Variants in LRRC20 observed in about 807,000 individuals in gnomAD.
The protein encoded by LRRC20 is leucine-rich repeat-containing protein 20.
In LRRC20, 11 loss-of-function variants were observed where a neutral mutation model predicts 14.4. That is an observed-to-expected ratio of 0.77 (90% CI 0.48 to 1.27). LRRC20 has a LOEUF of 1.27. Among genes scored for constraint, LRRC20 ranks in the 50% most tolerant of loss-of-function variants. The probability of loss-of-function intolerance (pLI) is 0.00; values close to 1 mark genes in which losing one functional copy is unlikely to be tolerated. For missense variants in LRRC20, 219 were observed against 251.2 expected (o/e 0.87, Z 0.87); for synonymous variants, 121 against 107.3 (o/e 1.13, Z -0.79).
intron 2 of LRRC20, among the ~76,000 whole-genome samples, chr10:70,361,063 AAGAG>A (rs1194240488): frequency 4.6e-5 from 7 of 151,268 alleles, no homozygotes; most frequent in Non-Finnish European, 8.8e-5. Flanking sequence ...AAAAAAAAAA[AAGAG>A]AGAGAGAGAG....
chr10:70,371,499 C>G (rs1053117042), intron 2 of LRRC20, among the ~76,000 whole-genome samples: 1 of 152,054 alleles, frequency 6.6e-6, no homozygotes, highest in Non-Finnish European at 1.5e-5. Context: ...TCCCCATGCA[C>G]ACTGCAGAGC....
At chr10:70,318,186 C>T (rs1331472788) in intron 4 of LRRC20, among the ~76,000 whole-genome samples, 2 of 152,188 alleles carry the variant, frequency 1.3e-5, no homozygotes, top group African/African-American at 4.8e-5. Flanking sequence ...GGCAGAGCTT[C>T]TCAGGCTTCA....
At chr10:70,344,818 A>G (rs1299880877) in intron 2 of LRRC20, among the ~76,000 whole-genome samples, 1 of 152,132 alleles carries the variant, frequency 6.6e-6, no homozygotes, top group Non-Finnish European at 1.5e-5. Context: ...CTGCCCACCT[A>G]GGCCTCCCGA....
rs1235293950 is a variant in LRRC20 at position 70,376,512 on chromosome 10, C to A, written c.22G>T (p.Ala8Ser). 1.9e-6 allele frequency: 3 copies of A among 1,613,756 alleles called. No individual in the cohort carries two copies. Among genetic ancestry groups the A allele is most frequent in the African/African-American group, 2.7e-5 (2 of 74,934 alleles). The change falls in exon 2 of 5, where the codon GCC (alanine) becomes TCC (serine). Residue 8 changes from alanine (A) to serine (S), a missense_variant. Transcript: ENST00000446961. Reference sequence around the variant, plus strand: ...ACCTTCCTTGCTACTCTGGCCACGGCCTCACCCATCTTCTTCAGCATGCAG... The same window carrying A: ...ACCTTCCTTGCTACTCTGGCCACGGACTCACCCATCTTCTTCAGCATGCAG... The part of the protein sequence containing the change: MLKKMGE[A>S]VARVARKVNE...
intron 2 of LRRC20, among the ~76,000 whole-genome samples, chr10:70,342,388 C>T (rs563313348): frequency 1.4e-3 from 209 of 151,942 alleles, no homozygotes; most frequent in Non-Finnish European, 2.7e-3. Context: ...GAATTGTACA[C>T]TTTAAGTGGA....
intron 3 of LRRC20, among the ~76,000 whole-genome samples, chr10:70,336,061 C>T (rs868696120): frequency 3.9e-5 from 6 of 152,208 alleles, no homozygotes; most frequent in African/African-American, 9.7e-5. Flanking sequence ...TCCGGGGCCA[C>T]GTCCAGTTCT....
chr10:70,355,734 G>A (rs72809232), intron 2 of LRRC20, among the ~76,000 whole-genome samples: 11,197 of 152,256 alleles, frequency 0.074, 500 homozygotes, highest in Middle Eastern at 0.2. Flanking sequence ...AGTGACCCTT[G>A]GGGTATGTTT....
chr10:70,345,624 G>A lies in LRRC20; in HGVS notation c.83-4922C>T, dbSNP rs147328024. On this transcript the variant is annotated intron_variant, in intron 2 of 4. Transcript: ENST00000446961. ...TAAGACCACCTGAGAAGGAAAGGAC[G>A]TAAGATATTTACAAAGGAAAAAACA... Among the ~76,000 whole-genome samples, 324 of 152,140 alleles carry A rather than the reference G, an allele frequency of 2.1e-3. 3 individuals are homozygous for A. The highest frequency in any genetic ancestry group is 7.1e-3 in the African/African-American group (293 of 41,524).
intron 4 of LRRC20, among the ~76,000 whole-genome samples, chr10:70,320,637 G>A (rs575245541): frequency 3.1e-4 from 47 of 152,140 alleles, no homozygotes; most frequent in Non-Finnish European, 6.2e-4. Context: ...CACCACGCCC[G>A]ATGCTGGTGG....
intron 4 of LRRC20, among the ~76,000 whole-genome samples, chr10:70,307,098 C>G (rs1564609812): frequency 6.6e-6 from 1 of 152,238 alleles, no homozygotes. Context: ...GAATCAGCCA[C>G]TTCTCCAAGA....
At chr10:70,310,541 C>T (rs1268255802) in intron 4 of LRRC20, among the ~76,000 whole-genome samples, 1 of 152,214 alleles carries the variant, frequency 6.6e-6, no homozygotes, top group Non-Finnish European at 1.5e-5. Context: ...TTTATACACA[C>T]TCGTATCATG....
At chr10:70,367,068 T>C (rs561062309) in intron 2 of LRRC20, among the ~76,000 whole-genome samples, 1 of 152,210 alleles carries the variant, frequency 6.6e-6, no homozygotes, top group African/African-American at 2.4e-5. Flanking sequence ...TTTGTGCCCA[T>C]AACCCCAGCA....
chr10:70,330,815 C>T (rs1842508288), intron 3 of LRRC20, among the ~76,000 whole-genome samples: 2 of 152,174 alleles, frequency 1.3e-5, no homozygotes, highest in African/African-American at 4.8e-5. Context: ...TCTACCCAAG[C>T]TGCCTGCGTC....
intron 1 of LRRC20, among the ~76,000 whole-genome samples, chr10:70,379,224 G>C (rs2137190603): frequency 6.6e-6 from 1 of 152,314 alleles, no homozygotes; most frequent in South Asian, 2.1e-4. Flanking sequence ...CATAAGGCGA[G>C]CCAGTGCAGG....
intron 4 of LRRC20, among the ~76,000 whole-genome samples, chr10:70,306,271 A>G (rs1841422779): frequency 6.6e-6 from 1 of 152,114 alleles, no homozygotes; most frequent in African/African-American, 2.4e-5. Flanking sequence ...AGGTATTCAC[A>G]TTGATAGAAT....
At chr10:70,322,657 C>A (rs972103381) in intron 4 of LRRC20, among the ~76,000 whole-genome samples, 4 of 152,136 alleles carry the variant, frequency 2.6e-5, no homozygotes, top group African/African-American at 9.7e-5. Flanking sequence ...AGCCCACCCC[C>A]AGGGGCTTCC....
At chr10:70,354,898 C>G (rs1160347493) in intron 2 of LRRC20, among the ~76,000 whole-genome samples, 1 of 152,160 alleles carries the variant, frequency 6.6e-6, no homozygotes, top group Admixed American at 6.5e-5. Flanking sequence ...TAATTCTTAT[C>G]CCAGCCCCTC....
chr10:70,304,470 T>TTATCTATATATATATATATA (rs1293891046), intron 4 of LRRC20, among the ~76,000 whole-genome samples: 18 of 113,816 alleles, frequency 1.6e-4, no homozygotes, highest in African/African-American at 5.4e-4. Flanking sequence ...GGCCACTTCT[T>TTATCTATATATATATATATA]TATATATATA....
chr10:70,321,911 A>G (rs1842092345), intron 4 of LRRC20, among the ~76,000 whole-genome samples: 1 of 152,206 alleles, frequency 6.6e-6, no homozygotes, highest in African/African-American at 2.4e-5. Flanking sequence ...TGTTGAAATT[A>G]TTACTGTCAT....
Sources: gnomAD v4.1 joint callset for allele counts (sites outside exome capture counted in the v4.1 genomes callset) on GRCh38, gnomAD v4.1.1 for gene constraint, MANE v1.5 for transcripts, NCBI Gene and HGNC (gene_info 2026-07-23, HGNC 2026-07-21) for gene names.